The following ADAP2 variants were observed in gnomAD, a reference collection of about 807,000 sequenced individuals.
ADAP2 encodes the protein ArfGAP with dual PH domains 2.
In ADAP2, 42 loss-of-function variants were observed where a neutral mutation model predicts 54.9. That is an observed-to-expected ratio of 0.77 (90% CI 0.60 to 0.99). The LOEUF is 0.99. ADAP2 is among the 50% of genes least tolerant of loss of function. The pLI, the probability that ADAP2 is intolerant of heterozygous loss-of-function variation, is 0.00. For missense variants in ADAP2, 429 were observed against 480.4 expected (o/e 0.89, Z 1.00); for synonymous variants, 177 against 180.1 (o/e 0.98, Z 0.14).
intron 5 of ADAP2, 21 bp downstream of exon 5, chr17:30,934,318 G>A: frequency 6.4e-7 from 1 of 1,554,276 alleles, no homozygotes; most frequent in South Asian, 1.1e-5. Flanking sequence ...AGACCAATGA[G>A]AGCAGGTCCC....
intron 8 of ADAP2, 151 bp downstream of exon 8, chr17:30,953,501 G>A (rs894155306): frequency 1.7e-5 from 12 of 698,966 alleles, no homozygotes; most frequent in Non-Finnish European, 2.6e-5. Flanking sequence ...AACCCAGGAC[G>A]GCTTGGAATG....
rs1260074594 is a variant in ADAP2, at chr17:30,958,343, C to T, written c.*474C>T. On this transcript the variant is annotated 3_prime_UTR_variant, in exon 11 of 11. Transcript: ENST00000330889. ...AATGAAGAGTGAAAGATAAAGTAGT[C>T]AATGGCCGGGCGCAGTGAGATTGCG... The T allele has an allele frequency of 1.3e-5, 2 of 154,200 alleles. No homozygotes were observed. Among genetic ancestry groups the T allele is most frequent in the Non-Finnish European group, 2.9e-5 (2 of 69,146 alleles). The allele number at this position is 154,200 out of a possible 1,614,324, so 9.6% of individuals were successfully genotyped here. A position where few individuals can be genotyped will look rare whatever the true frequency, so the allele number is the denominator to read the frequency against.
chr17:30,953,177 A>T, intron 7 of ADAP2, 111 bp from the exon 8 acceptor site: 1 of 879,114 alleles, frequency 1.1e-6, no homozygotes. Flanking sequence ...GTGAGCCATG[A>T]GCGTACATCC....
rs528200797 is a variant in ADAP2, at chr17:30,946,111, C to T, written c.657+1058C>T. Among the ~76,000 whole-genome samples, 7 of 148,736 alleles carry T rather than the reference C, an allele frequency of 4.7e-5. No homozygotes were observed. The South Asian group carries it at 6.5e-4, about 14-fold the overall frequency. On this transcript the variant is annotated intron_variant, in intron 6 of 10. Coordinates refer to ENST00000330889, the MANE Select transcript of ADAP2 (RefSeq NM_018404.3). ...CAGAGCTTGCAGTGAGCCGAGATGGCGCCACTGCACTCCAGCCTGGGTGAC... is the reference window on the plus strand; with the variant it reads ...CAGAGCTTGCAGTGAGCCGAGATGGTGCCACTGCACTCCAGCCTGGGTGAC...
rs1898921868 is a variant in ADAP2, at chr17:30,951,702, C to T, written c.742-1586C>T. On this transcript the variant is annotated intron_variant, in intron 7 of 10. Coordinates refer to ENST00000330889, the MANE Select transcript of ADAP2 (RefSeq NM_018404.3). Reference sequence around the variant, plus strand: ...ACAGAGTCTCGCTCTTTCGCCCAGGCCAGAGTGCAGTGGCGCCATCTTGGC... The same window carrying T: ...ACAGAGTCTCGCTCTTTCGCCCAGGTCAGAGTGCAGTGGCGCCATCTTGGC... 2.0e-5 allele frequency among the ~76,000 whole-genome samples: 3 copies of T among 146,986 alleles called. No individual in the cohort carries two copies. In the South Asian group the frequency reaches 6.4e-4, roughly 31 times the overall value.
At chr17:30,946,419 A>G (rs150915005) in intron 6 of ADAP2, among the ~76,000 whole-genome samples, 14 of 152,122 alleles carry the variant, frequency 9.2e-5, no homozygotes, top group Admixed American at 5.9e-4. Flanking sequence ...GAGTTTCACT[A>G]TGTTGGCCAG....
At chr17:30,947,452 A>G (rs557403743) in intron 6 of ADAP2, among the ~76,000 whole-genome samples, 20 of 152,194 alleles carry the variant, frequency 1.3e-4, no homozygotes, top group Admixed American at 1.0e-3. Flanking sequence ...CTCCCAGGTT[A>G]AAGCAATTCT....
intron 9 of ADAP2, among the ~76,000 whole-genome samples, chr17:30,956,039 C>A (rs2142604606): frequency 6.6e-6 from 1 of 152,272 alleles, no homozygotes; most frequent in East Asian, 1.9e-4. Context: ...AACTACCAGG[C>A]CCACCCTCGG....
At chr17:30,955,594 C>T (rs777335413) in intron 9 of ADAP2, among the ~76,000 whole-genome samples, 12 of 151,756 alleles carry the variant, frequency 7.9e-5, no homozygotes, top group Non-Finnish European at 1.5e-4. Context: ...GTAAGCCCAG[C>T]TACTCAGGAG....
intron 2 of ADAP2, among the ~76,000 whole-genome samples, chr17:30,926,440 A>G (rs960212747): frequency 6.6e-6 from 1 of 152,198 alleles, no homozygotes; most frequent in African/African-American, 2.4e-5. Flanking sequence ...GGAAGGCATG[A>G]TAGGAAGAAT....
chr17:30,954,806 G>A (rs1328348587), intron 9 of ADAP2, among the ~76,000 whole-genome samples: 2 of 152,106 alleles, frequency 1.3e-5, no homozygotes, highest in African/African-American at 4.8e-5. Context: ...TAAATATGGT[G>A]TATCTCTTCC....
At chr17:30,947,125 CAG>C (rs1490531677) in intron 6 of ADAP2, among the ~76,000 whole-genome samples, 8 of 152,108 alleles carry the variant, frequency 5.3e-5, no homozygotes, top group African/African-American at 1.9e-4. Flanking sequence ...CTGCAGGAGT[CAG>C]GGGGTGATTT....
chr17:30,933,905 T>C (rs113090042), intron 4 of ADAP2, among the ~76,000 whole-genome samples: 33 of 152,322 alleles, frequency 2.2e-4, no homozygotes, highest in African/African-American at 6.0e-4. Context: ...TTCTCAGGAC[T>C]TTGCCTTCTT....
At chr17:30,957,102 G>A (rs1054220279) in intron 10 of ADAP2, 3 of 157,116 alleles carry the variant, frequency 1.9e-5, no homozygotes, top group Admixed American at 1.8e-4. Context: ...GAAAAGTACA[G>A]ACTGAGCAGG....
chr17:30,947,515 G>A (rs975493818), intron 6 of ADAP2, among the ~76,000 whole-genome samples: 1 of 152,106 alleles, frequency 6.6e-6, no homozygotes, highest in African/African-American at 2.4e-5. Context: ...CACCATACCC[G>A]GCTAATTTTG....
At position 30,956,301 on chromosome 17, in the gene ADAP2, G is replaced by A. The variant is rs752651092; in HGVS notation, c.943G>A (p.Glu315Lys). Residue 315 changes from glutamate to lysine, a missense_variant, in exon 10 of 11, where the codon GAA (glutamate) becomes AAA (lysine). Glu to Lys is a moderately conservative substitution (Grantham distance 56). Coordinates refer to ENST00000330889, the MANE Select transcript of ADAP2 (RefSeq NM_018404.3). Reference sequence around the variant, plus strand: ...CAAGGAGCAGGGATATGAAGCCTACGAAGACCTGCCCAAGGGCATCCGAGG... The same window carrying A: ...CAAGGAGCAGGGATATGAAGCCTACAAAGACCTGCCCAAGGGCATCCGAGG... ...GNKEQGYEAYEDLPKGIRGNR... is the reference protein window; with the variant it reads ...GNKEQGYEAYKDLPKGIRGNR... 3.2e-5 allele frequency: 51 copies of A among 1,614,048 alleles called. No individual in the cohort carries two copies. Among genetic ancestry groups the A allele is most frequent in the Non-Finnish European group, 4.0e-5 (47 of 1,180,042 alleles).
chr17:30,922,862 G>T (rs1910741683), intron 1 of ADAP2, 78 bp from the exon 2 acceptor site: 3 of 1,523,526 alleles, frequency 2.0e-6, no homozygotes, highest in South Asian at 1.2e-5. Flanking sequence ...CGCCCCACCT[G>T]CCCCAGTGCC....
chr17:30,951,509 A>T (rs867123713), intron 7 of ADAP2, among the ~76,000 whole-genome samples: 1 of 151,584 alleles, frequency 6.6e-6, no homozygotes, highest in African/African-American at 2.4e-5. Context: ...TTTTTTTTTA[A>T]TTTTTTATAG....
chr17:30,923,197 C>G (rs1229006863), intron 2 of ADAP2, 127 bp downstream of exon 2: 8 of 1,094,048 alleles, frequency 7.3e-6, no homozygotes, highest in Non-Finnish European at 1.1e-5. Flanking sequence ...CTAGAGGAAA[C>G]ACAGCTTATA....
Sources: gnomAD v4.1 joint callset for allele counts (sites outside exome capture counted in the v4.1 genomes callset) on GRCh38, gnomAD v4.1.1 for gene constraint, MANE v1.5 for transcripts, NCBI Gene and HGNC (gene_info 2026-07-23, HGNC 2026-07-21) for gene names.